Variants in LINGO2 observed in about 807,000 individuals in gnomAD.
LINGO2 encodes leucine-rich repeat and immunoglobulin-like domain-containing nogo receptor-interacting protein 2.
Under a neutral mutation model 30.6 loss-of-function variants are expected in LINGO2, and 14 were observed. The observed-to-expected ratio is 0.46, with a 90% CI of 0.30 to 0.72. The LOEUF is 0.72. LINGO2 is among the 30% of genes least tolerant of loss of function. The pLI is 0.07. For missense variants in LINGO2, 729 were observed against 751.7 expected, an observed-to-expected ratio of 0.97 and a Z score of 0.35; for synonymous variants, 317 against 288.5, an observed-to-expected ratio of 1.10 and a Z score of -1.00.
At chr9:27,950,200 G>C in exon 6 of LINGO2, 1 of 1,614,022 alleles carries the variant, frequency 6.2e-7, no homozygotes, top group Non-Finnish European at 8.5e-7. Flanking sequence ...CCCACTTCTA[G>C]AGACTTCAGG....
intron 2 of LINGO2, among the ~76,000 whole-genome samples, chr9:28,474,554 ACT>A (rs1219599517): frequency 2.4e-4 from 36 of 152,268 alleles, no homozygotes; most frequent in South Asian, 1.2e-3. Context: ...GTTGTTTCAT[ACT>A]ACTCTTTTAT....
At chr9:28,382,547 A>C (rs948815339) in intron 2 of LINGO2, among the ~76,000 whole-genome samples, 2 of 152,160 alleles carry the variant, frequency 1.3e-5, no homozygotes, top group Admixed American at 1.3e-4. Context: ...GTACATCAGC[A>C]GTATTTAGAG....
chr9:28,111,365 G>A (rs1207420998), intron 4 of LINGO2, among the ~76,000 whole-genome samples: 2 of 151,494 alleles, frequency 1.3e-5, no homozygotes, highest in Admixed American at 6.6e-5. Context: ...TAACAAACCT[G>A]CACATTCTGC....
the LINGO2 span, among the ~76,000 whole-genome samples, chr9:29,155,608 A>G: frequency 2.6e-5 from 4 of 151,776 alleles, no homozygotes; most frequent in African/African-American, 9.7e-5. Context: ...AAAAGAAGAA[A>G]ATGAAAATCA....
the LINGO2 span, among the ~76,000 whole-genome samples, chr9:28,712,015 G>C: frequency 6.6e-6 from 1 of 152,068 alleles, no homozygotes; most frequent in Non-Finnish European, 1.5e-5. Context: ...TTGGATTACA[G>C]CAGTATAGTA....
At chr9:28,982,164 G>T in the LINGO2 span, among the ~76,000 whole-genome samples, 27 of 152,044 alleles carry the variant, frequency 1.8e-4, no homozygotes, top group African/African-American at 5.8e-4. Flanking sequence ...TAGTAAATTG[G>T]TGTCTGTGGG....
At chr9:28,708,920 C>G in the LINGO2 span, among the ~76,000 whole-genome samples, 16 of 152,046 alleles carry the variant, frequency 1.1e-4, no homozygotes, top group Non-Finnish European at 2.1e-4. Flanking sequence ...TTTTCTTGTT[C>G]AGATGCAACC....
At chr9:28,175,701 GGTAA>G (rs1047003690) in intron 4 of LINGO2, among the ~76,000 whole-genome samples, 1 of 152,104 alleles carries the variant, frequency 6.6e-6, no homozygotes, top group African/African-American at 2.4e-5. Flanking sequence ...CAACACATGT[GGTAA>G]GTCATTAGGG....
intron 4 of LINGO2, among the ~76,000 whole-genome samples, chr9:28,248,912 A>G (rs912044043): frequency 1.3e-5 from 2 of 152,152 alleles, no homozygotes; most frequent in South Asian, 2.1e-4. Flanking sequence ...TCCCACACCA[A>G]GAGAGAGTTA....
At chr9:28,903,512 G>C in the LINGO2 span, among the ~76,000 whole-genome samples, 1 of 152,096 alleles carries the variant, frequency 6.6e-6, no homozygotes, top group Non-Finnish European at 1.5e-5. Flanking sequence ...GTCTCCCTCT[G>C]TCACGTAGGT....
intron 4 of LINGO2, among the ~76,000 whole-genome samples, chr9:28,057,585 G>GTATATAAGTATATA (rs1824992752): frequency 4.7e-5 from 1 of 21,230 alleles, no homozygotes; most frequent in African/African-American, 1.0e-4. Flanking sequence ...ACACATATAT[G>GTATATAAGTATATA]TATATACATA....
the LINGO2 span, among the ~76,000 whole-genome samples, chr9:28,924,422 T>G: frequency 6.6e-6 from 1 of 152,108 alleles, no homozygotes. Context: ...GATTTCGTCA[T>G]GTTGCCCAGG....
In LINGO2 at chr9:28,638,308, T is replaced by G. The variant is rs189996821; in HGVS notation, c.-365+31892A>C. Reference sequence around the variant, plus strand: ...TTTTTGTTGTGTCCCTGTCACGCTTTGTTATCAGGATGATGCTGGCCTCAT... The same window carrying G: ...TTTTTGTTGTGTCCCTGTCACGCTTGGTTATCAGGATGATGCTGGCCTCAT... On this transcript the variant is annotated intron_variant, in intron 1 of 5. Transcript: ENST00000379992. Among the ~76,000 whole-genome samples, 434 of 152,300 alleles carry G rather than the reference T, an allele frequency of 2.8e-3. 3 individuals carry two copies. The highest frequency in any genetic ancestry group is 4.5e-3 in the Non-Finnish European group (305 of 68,018).
At chr9:28,812,349 A>C in the LINGO2 span, among the ~76,000 whole-genome samples, 1 of 152,090 alleles carries the variant, frequency 6.6e-6, no homozygotes, top group African/African-American at 2.4e-5. Context: ...AATGTATCTA[A>C]ATTTTTTAAA....
At chr9:28,030,271 G>T (rs1056240638) in intron 4 of LINGO2, among the ~76,000 whole-genome samples, 1 of 152,164 alleles carries the variant, frequency 6.6e-6, no homozygotes, top group African/African-American at 2.4e-5. Flanking sequence ...GGCCATTTCT[G>T]AGATTCTGAG....
intron 4 of LINGO2, among the ~76,000 whole-genome samples, chr9:28,240,771 C>T (rs576464152): frequency 1.4e-4 from 21 of 151,950 alleles, no homozygotes; most frequent in South Asian, 6.2e-4. Flanking sequence ...GCATAAGCAA[C>T]GAAAGAAAAC....
chr9:28,005,847 C>T (rs1822239894), intron 5 of LINGO2, among the ~76,000 whole-genome samples: 2 of 152,054 alleles, frequency 1.3e-5, no homozygotes, highest in South Asian at 4.2e-4. Flanking sequence ...TCCAAAAATG[C>T]ATAGATGGCC....
the LINGO2 span, among the ~76,000 whole-genome samples, chr9:28,875,947 G>C: frequency 2.0e-5 from 3 of 151,884 alleles, no homozygotes; most frequent in Non-Finnish European, 4.4e-5. Context: ...TAACAGAAGA[G>C]GTATTAATCA....
At chr9:28,162,735 A>G (rs75378606) in intron 4 of LINGO2, among the ~76,000 whole-genome samples, 3 of 152,208 alleles carry the variant, frequency 2.0e-5, no homozygotes, top group Admixed American at 6.5e-5. Context: ...CATGATGACA[A>G]TCTTGGTGGG....
Sources: allele counts gnomAD v4.1 joint callset (sites outside exome capture counted in the v4.1 genomes callset), GRCh38; gene constraint gnomAD v4.1.1; transcripts MANE v1.5; gene names NCBI Gene and HGNC (gene_info 2026-07-23, HGNC 2026-07-21).